The following CCDC73 variants were observed in gnomAD, a reference collection of about 807,000 sequenced individuals.
The protein encoded by CCDC73 is coiled-coil domain containing 73.
CCDC73 carries 95 observed loss-of-function variants against 116.5 expected under a neutral mutation model. The observed-to-expected ratio is 0.82, with a 90% CI of 0.69 to 0.97. The LOEUF (loss-of-function observed/expected upper bound fraction) is 0.97. Ranked by LOEUF, CCDC73 falls within the 50% of genes least tolerant of loss-of-function variation. CCDC73 has a pLI of 0.00. For missense variants in CCDC73, 1,066 were observed against 1,206.8 expected, an observed-to-expected ratio of 0.88 and a Z score of 1.73; for synonymous variants, 398 against 401.3, an observed-to-expected ratio of 0.99 and a Z score of 0.10.
At chr11:32,756,634 C>T (rs953531462) in intron 2 of CCDC73, among the ~76,000 whole-genome samples, 5 of 151,458 alleles carry the variant, frequency 3.3e-5, no homozygotes, top group Non-Finnish European at 7.4e-5. Flanking sequence ...TCCTACTTAA[C>T]TGAAGAATAT....
chr11:32,799,297 G>C (rs772240255), upstream of CCDC73, among the ~76,000 whole-genome samples: 6 of 151,976 alleles, frequency 3.9e-5, no homozygotes, highest in South Asian at 1.2e-3. Flanking sequence ...TCACTATGTT[G>C]GCCAGGCTAG....
intron 9 of CCDC73, among the ~76,000 whole-genome samples, chr11:32,667,084 C>T (rs1472294514): frequency 6.6e-6 from 1 of 152,180 alleles, no homozygotes; most frequent in East Asian, 1.9e-4. Context: ...CTGGGGTGTG[C>T]CCCCCAGTTA....
In CCDC73 at chr11:32,642,032, T is replaced by C; in HGVS notation, c.990A>G (p.Glu330=). 2 of 1,570,070 alleles carry C rather than the reference T, an allele frequency of 1.3e-6. No individual in the cohort carries two copies. Among genetic ancestry groups the C allele is most frequent in the African/African-American group, 1.4e-5 (1 of 73,532 alleles). The change falls in exon 13 of 18, where the codon GAA becomes GAG. Residue 330 remains glutamate, a synonymous_variant. Transcript: ENST00000335185. Reference sequence around the variant, plus strand: ...CATTTTGAAGATTAAGAAACTTTTCTTCATTTTCTTTTACCTTCTCCCTTT... The same window carrying C: ...CATTTTGAAGATTAAGAAACTTTTCCTCATTTTCTTTTACCTTCTCCCTTT... The part of the protein sequence containing the change: ...ELQREKVKEN[E]EKFLNLQNEH...
chr11:32,677,194 T>C (rs1476669263), intron 7 of CCDC73, among the ~76,000 whole-genome samples: 5 of 152,184 alleles, frequency 3.3e-5, no homozygotes, highest in South Asian at 2.1e-4. Flanking sequence ...TGTTGTCTTA[T>C]AGAGTTTTAA....
chr11:32,612,720 G>C (rs1016011895), intron 16 of CCDC73, among the ~76,000 whole-genome samples: 11 of 151,882 alleles, frequency 7.2e-5, no homozygotes, highest in African/African-American at 2.2e-4. Flanking sequence ...CTGGGTGACA[G>C]AGCAAGACTC....
intron 1 of CCDC73, among the ~76,000 whole-genome samples, chr11:32,772,913 TA>T (rs1402082538): frequency 6.6e-6 from 1 of 152,086 alleles, no homozygotes; most frequent in African/African-American, 2.4e-5. Flanking sequence ...AGGTTAAACA[TA>T]AAGTTACCAT....
intron 9 of CCDC73, among the ~76,000 whole-genome samples, chr11:32,660,572 C>T (rs1855914006): frequency 6.6e-6 from 1 of 151,896 alleles, no homozygotes; most frequent in Non-Finnish European, 1.5e-5. Context: ...TACCTGTAAT[C>T]CCAGCACTTT....
intron 14 of CCDC73, among the ~76,000 whole-genome samples, chr11:32,631,747 G>A (rs1225873717): frequency 2.0e-5 from 3 of 152,196 alleles, no homozygotes; most frequent in African/African-American, 7.2e-5. Flanking sequence ...TGAGGTGGGA[G>A]GATTGCTTGA....
intron 2 of CCDC73, among the ~76,000 whole-genome samples, chr11:32,719,877 C>T (rs1849975752): frequency 1.3e-5 from 2 of 152,014 alleles, no homozygotes; most frequent in Admixed American, 1.3e-4. Context: ...ATCTAAATAG[C>T]CCTATAACTA....
chr11:32,806,195 G>T, the CCDC73 span, among the ~76,000 whole-genome samples: 1 of 152,202 alleles, frequency 6.6e-6, no homozygotes, highest in Non-Finnish European at 1.5e-5. Flanking sequence ...GTTAAAGGAG[G>T]TTAAAAATCC....
At chr11:32,825,516 G>A in the CCDC73 span, among the ~76,000 whole-genome samples, 1 of 151,986 alleles carries the variant, frequency 6.6e-6, no homozygotes, top group Admixed American at 6.6e-5. Flanking sequence ...TGGTCAGGCT[G>A]GTCTCGAACT....
intron 2 of CCDC73, among the ~76,000 whole-genome samples, chr11:32,722,952 C>A (rs1850002639): frequency 6.6e-6 from 1 of 152,136 alleles, no homozygotes; most frequent in Admixed American, 6.5e-5. Flanking sequence ...AATGGCAGAG[C>A]CAGTACTCAA....
intron 1 of CCDC73, among the ~76,000 whole-genome samples, chr11:32,792,392 C>T (rs1323028181): frequency 1.3e-5 from 2 of 152,144 alleles, no homozygotes; most frequent in Admixed American, 1.3e-4. Context: ...TAAGCATTGA[C>T]TAATGTCGGC....
intron 14 of CCDC73, among the ~76,000 whole-genome samples, chr11:32,633,935 G>A (rs1423578235): frequency 6.6e-6 from 1 of 152,098 alleles, no homozygotes; most frequent in Non-Finnish European, 1.5e-5. Context: ...TTTGCTAGGA[G>A]GTCTTTCTAA....
Position 32,653,124 on chromosome 11 carries a change from TG to T in CCDC73, c.937del (p.Gln313ArgfsTer14). The T allele has an allele frequency of 6.3e-7, 1 of 1,590,342 alleles. No individual in the cohort carries two copies. The highest frequency in any genetic ancestry group is 8.6e-7 in the Non-Finnish European group (1 of 1,160,842). On this transcript the variant is annotated frameshift_variant and splice_region_variant, in exon 12 of 18. Transcript: ENST00000335185. LOFTEE classifies it high-confidence loss of function. ...GACAGACAGACAGATAGAACGAACCTGATTATTTTCTTTTAGCACCTTCAAT... is the reference window on the plus strand; with the variant it reads ...GACAGACAGACAGATAGAACGAACCTATTATTTTCTTTTAGCACCTTCAAT... ...AELKVLKENN[Q>X]TLERDNELQR...
intron 2 of CCDC73, among the ~76,000 whole-genome samples, chr11:32,724,407 C>T (rs1850014054): frequency 6.6e-6 from 1 of 152,012 alleles, no homozygotes; most frequent in Non-Finnish European, 1.5e-5. Context: ...ATGTGATGCC[C>T]ATTAAATTTT....
the CCDC73 span, among the ~76,000 whole-genome samples, chr11:32,801,978 A>G: frequency 6.6e-6 from 1 of 152,230 alleles, no homozygotes; most frequent in Non-Finnish European, 1.5e-5. Flanking sequence ...TCAGAGATAA[A>G]ACATTACATA....
At chr11:32,606,768 T>C (rs962275689) in intron 17 of CCDC73, among the ~76,000 whole-genome samples, 14 of 151,724 alleles carry the variant, frequency 9.2e-5, no homozygotes, top group Admixed American at 7.9e-4. Context: ...AAAATTACCT[T>C]GCCAATGAAA....
rs1855727258 is a variant in CCDC73 at position 32,640,975 on chromosome 11, C to A, written c.1050+997G>T. On this transcript the variant is annotated intron_variant, in intron 13 of 17. Transcript: ENST00000335185. ...AGCTTGCAGTGAGCAGAGATCCGTC[C>A]ACGGCACTCTAGCCTGGGGGACAGA... 6.6e-5 allele frequency among the ~76,000 whole-genome samples: 10 copies of A among 151,862 alleles called. No homozygotes were observed. The South Asian group carries it at 2.1e-3, about 32-fold the overall frequency.
Sources: gnomAD v4.1 joint callset for allele counts (sites outside exome capture counted in the v4.1 genomes callset) on GRCh38, gnomAD v4.1.1 for gene constraint, MANE v1.5 for transcripts, NCBI Gene and HGNC (gene_info 2026-07-23, HGNC 2026-07-21) for gene names.